PDE1A: variants seen among roughly 807,000 people sequenced by gnomAD.
The protein encoded by PDE1A is phosphodiesterase 1A, also known as dual specificity calcium/calmodulin-dependent 3',5'-cyclic nucleotide phosphodiesterase 1A.
In PDE1A, 35 loss-of-function variants were observed where a neutral mutation model predicts 61.7. That is an observed-to-expected ratio of 0.57 (90% CI 0.43 to 0.75). PDE1A has a LOEUF of 0.75. Ranked by LOEUF, PDE1A falls within the 30% of genes least tolerant of loss-of-function variation. The probability of loss-of-function intolerance (pLI) is 0.00; values close to 1 mark genes in which losing one functional copy is unlikely to be tolerated. For missense variants in PDE1A, 597 were observed against 630.6 expected, an observed-to-expected ratio of 0.95 and a Z score of 0.57; for synonymous variants, 232 against 213.2, an observed-to-expected ratio of 1.09 and a Z score of -0.77.
At chr2:182,680,771 C>T in the PDE1A span, among the ~76,000 whole-genome samples, 1 of 152,156 alleles carries the variant, frequency 6.6e-6, no homozygotes, top group Non-Finnish European at 1.5e-5. Context: ...CAAGTGTGAA[C>T]CAGTGGTAGA....
chr2:182,303,061 C>A (rs1695349305), intron 1 of PDE1A, among the ~76,000 whole-genome samples: 1 of 152,134 alleles, frequency 6.6e-6, no homozygotes, highest in Non-Finnish European at 1.5e-5. Context: ...AGTCTTGAAC[C>A]CCTCAAAGTT....
chr2:182,178,251 T>C (rs932636275), intron 13 of PDE1A, among the ~76,000 whole-genome samples: 2 of 152,152 alleles, frequency 1.3e-5, no homozygotes, highest in Non-Finnish European at 2.9e-5. Context: ...TTAATCAAGT[T>C]CTACCTTCCC....
At chr2:182,247,419 T>G (rs767979560) in intron 2 of PDE1A, among the ~76,000 whole-genome samples, 2 of 152,212 alleles carry the variant, frequency 1.3e-5, no homozygotes, top group Non-Finnish European at 2.9e-5. Flanking sequence ...TATTCCAGTT[T>G]GGAGAGAAGA....
intron 2 of PDE1A, among the ~76,000 whole-genome samples, chr2:182,261,783 CAT>C (rs2125778535): frequency 6.6e-6 from 1 of 152,242 alleles, no homozygotes; most frequent in Non-Finnish European, 1.5e-5. Context: ...ATAAATAAAG[CAT>C]ATAATAATCT....
At chr2:182,432,746 G>T (rs780338607) in intron 2 of PDE1A, among the ~76,000 whole-genome samples, 4 of 152,018 alleles carry the variant, frequency 2.6e-5, no homozygotes, top group Non-Finnish European at 5.9e-5. Context: ...TTATAAGGAA[G>T]AGGGTTTCTC....
chr2:182,185,177 T>C (rs1432802100), intron 13 of PDE1A, among the ~76,000 whole-genome samples: 1 of 152,148 alleles, frequency 6.6e-6, no homozygotes, highest in Non-Finnish European at 1.5e-5. Flanking sequence ...TGGAGTATTT[T>C]AAGAAACTTC....
intron 13 of PDE1A, among the ~76,000 whole-genome samples, chr2:182,183,213 G>A (rs963855270): frequency 6.6e-6 from 1 of 152,158 alleles, no homozygotes; most frequent in Non-Finnish European, 1.5e-5. Flanking sequence ...ATGTAAAGAA[G>A]TCGAGTTTTT....
At chr2:182,240,644 G>A (rs1188348938) in intron 2 of PDE1A, among the ~76,000 whole-genome samples, 4 of 152,124 alleles carry the variant, frequency 2.6e-5, no homozygotes, top group East Asian at 1.9e-4. Flanking sequence ...ATAAACAGAT[G>A]TCTGCTATTA....
intron 11 of PDE1A, among the ~76,000 whole-genome samples, 190 bp downstream of exon 11, chr2:182,188,789 T>G (rs1685455384): frequency 6.6e-6 from 1 of 152,254 alleles, no homozygotes; most frequent in Non-Finnish European, 1.5e-5. Context: ...TGTTGCTTTA[T>G]TGAATTCATT....
intron 13 of PDE1A, among the ~76,000 whole-genome samples, chr2:182,147,452 G>A (rs1690555693): frequency 6.6e-6 from 1 of 152,088 alleles, no homozygotes; most frequent in Non-Finnish European, 1.5e-5. Context: ...AAAAAATCAT[G>A]TTTTTTCTGA....
intron 2 of PDE1A, among the ~76,000 whole-genome samples, chr2:182,480,453 C>T (rs1295289303): frequency 1.3e-5 from 2 of 151,880 alleles, no homozygotes; most frequent in East Asian, 1.9e-4. Context: ...GAAATACAGT[C>T]GGCCTACTGT....
At chr2:182,378,036 C>T (rs1051656378) in intron 1 of PDE1A, among the ~76,000 whole-genome samples, 4 of 152,114 alleles carry the variant, frequency 2.6e-5, no homozygotes, top group Non-Finnish European at 4.4e-5. Context: ...TTAGTAGAGA[C>T]GGGGTTTCAC....
At chr2:182,527,680 A>G (rs1484740283), upstream of PDE1A, among the ~76,000 whole-genome samples, 1 of 152,114 alleles carries the variant, frequency 6.6e-6, no homozygotes, top group East Asian at 1.9e-4. Flanking sequence ...CCTAATGTAC[A>G]TGTCTAATAT....
the PDE1A span, among the ~76,000 whole-genome samples, chr2:182,564,616 G>A: frequency 2.6e-5 from 4 of 152,146 alleles, no homozygotes; most frequent in Admixed American, 2.6e-4. Context: ...CTAGATTGGG[G>A]AAGTTCTCCT....
chr2:182,472,233 A>G (rs1212128997), intron 2 of PDE1A, among the ~76,000 whole-genome samples: 2 of 151,966 alleles, frequency 1.3e-5, no homozygotes, highest in Non-Finnish European at 2.9e-5. Context: ...AAGAAAAATC[A>G]TTATATCAAA....
the PDE1A span, among the ~76,000 whole-genome samples, chr2:182,640,543 A>G: frequency 6.6e-6 from 1 of 152,224 alleles, no homozygotes; most frequent in East Asian, 1.9e-4. Flanking sequence ...ATATAAGAGT[A>G]AATACTAAAA....
At chr2:182,210,276 C>T (rs1291596531) in intron 7 of PDE1A, among the ~76,000 whole-genome samples, 2 of 152,114 alleles carry the variant, frequency 1.3e-5, no homozygotes, top group Admixed American at 1.3e-4. Context: ...AATGAGAGTT[C>T]CTGCTGCTCC....
chr2:182,388,204 G>C (rs1701227247), intron 1 of PDE1A, among the ~76,000 whole-genome samples: 1 of 152,080 alleles, frequency 6.6e-6, no homozygotes, highest in East Asian at 1.9e-4. Flanking sequence ...TAGATCTGAA[G>C]AGAGAGACAC....
At chr2:182,224,810 T>C (rs952307071) in intron 6 of PDE1A, among the ~76,000 whole-genome samples, 7 of 151,892 alleles carry the variant, frequency 4.6e-5, no homozygotes, top group African/African-American at 1.7e-4. Flanking sequence ...CATATGCCCA[T>C]TGGTCACATG....
Sources: allele counts gnomAD v4.1 joint callset (sites outside exome capture counted in the v4.1 genomes callset), GRCh38; gene constraint gnomAD v4.1.1; transcripts MANE v1.5; gene names NCBI Gene and HGNC (gene_info 2026-07-23, HGNC 2026-07-21).